The following PDZRN4 variants were observed in gnomAD, a reference collection of about 807,000 sequenced individuals.
PDZRN4 encodes the protein PDZ domain-containing RING finger protein 4.
Under a neutral mutation model 99.0 loss-of-function variants are expected in PDZRN4, and 70 were observed. The observed-to-expected ratio is 0.71, with a 90% CI of 0.58 to 0.86. The LOEUF (loss-of-function observed/expected upper bound fraction) is 0.86. Ranked by LOEUF, PDZRN4 falls within the 40% of genes least tolerant of loss-of-function variation. PDZRN4 has a pLI of 0.00. For missense variants in PDZRN4, 1,474 were observed against 1,331.2 expected (o/e 1.11, Z -1.67); for synonymous variants, 551 against 501.6 (o/e 1.10, Z -1.32).
At chr12:41,521,271 A>C (rs1938487995) in intron 5 of PDZRN4, among the ~76,000 whole-genome samples, 1 of 152,140 alleles carries the variant, frequency 6.6e-6, no homozygotes, top group Non-Finnish European at 1.5e-5. Context: ...TGTAAAACAC[A>C]TTGACACCAT....
chr12:41,451,515 A>G (rs1324719939), intron 3 of PDZRN4, among the ~76,000 whole-genome samples: 2 of 152,236 alleles, frequency 1.3e-5, no homozygotes, highest in Non-Finnish European at 2.9e-5. Flanking sequence ...CTTGAAAGCA[A>G]AGTAAGTAGG....
chr12:41,484,460 G>A (rs1937736577), intron 3 of PDZRN4, among the ~76,000 whole-genome samples: 1 of 152,134 alleles, frequency 6.6e-6, no homozygotes, highest in South Asian at 2.1e-4. Context: ...GTGAGTTTAG[G>A]TAAGTCACTT....
At chr12:41,508,203 G>A (rs1194657996) in intron 4 of PDZRN4, among the ~76,000 whole-genome samples, 1 of 152,072 alleles carries the variant, frequency 6.6e-6, no homozygotes, top group Admixed American at 6.6e-5. Context: ...AAAAGTGACA[G>A]GGCCAGGCTT....
chr12:41,223,821 A>G (rs1052182825), intron 3 of PDZRN4, among the ~76,000 whole-genome samples: 71 of 152,288 alleles, frequency 4.7e-4, no homozygotes, highest in African/African-American at 1.6e-3. Context: ...GAGTTGTCTC[A>G]CTGCTGAGAA....
chr12:41,219,761 T>C (rs1950941884), intron 3 of PDZRN4, among the ~76,000 whole-genome samples: 1 of 152,166 alleles, frequency 6.6e-6, no homozygotes, highest in Non-Finnish European at 1.5e-5. Context: ...AAACTGAATC[T>C]TTTTCTTTAA....
chr12:41,202,009 C>A (rs749914943), intron 3 of PDZRN4, among the ~76,000 whole-genome samples: 25 of 152,130 alleles, frequency 1.6e-4, no homozygotes, highest in South Asian at 2.1e-4. Flanking sequence ...AATTTACATG[C>A]TTGCCTGCAA....
intron 3 of PDZRN4, among the ~76,000 whole-genome samples, chr12:41,234,547 T>A (rs1444263480): frequency 1.3e-5 from 2 of 152,148 alleles, no homozygotes; most frequent in Non-Finnish European, 1.5e-5. Context: ...AAAGACAGAC[T>A]GTTTAATGAT....
chr12:41,566,726 A>C (rs1306402376), intron 8 of PDZRN4, among the ~76,000 whole-genome samples: 1 of 152,182 alleles, frequency 6.6e-6, no homozygotes, highest in Admixed American at 6.5e-5. Context: ...GTAGAAGTTC[A>C]GTTATGTTTA....
chr12:41,541,090 A>C (rs1938846546), intron 5 of PDZRN4, among the ~76,000 whole-genome samples: 1 of 151,766 alleles, frequency 6.6e-6, no homozygotes, highest in Non-Finnish European at 1.5e-5. Flanking sequence ...ATGCCCAGCT[A>C]ATTTTTTCTT....
chr12:41,325,471 CA>C (rs1951703373), intron 3 of PDZRN4, among the ~76,000 whole-genome samples: 1 of 152,082 alleles, frequency 6.6e-6, no homozygotes, highest in South Asian at 2.1e-4. Flanking sequence ...TGTAACCAAC[CA>C]TCTCTGAGGA....
chr12:41,390,680 C>T lies in PDZRN4; in HGVS notation c.844-115776C>T, dbSNP rs116023847. Among the ~76,000 whole-genome samples, 539 of 151,610 alleles carry T rather than the reference C, an allele frequency of 3.6e-3. 2 individuals carry two copies. The highest frequency in any genetic ancestry group is 0.012 in the African/African-American group (487 of 41,304). On this transcript the variant is annotated intron_variant, in intron 3 of 9. Coordinates refer to ENST00000402685, the MANE Select transcript of PDZRN4 (RefSeq NM_001164595.2). Reference sequence around the variant, plus strand: ...AACATATTATCCCATCAATATTCAACGCAGTCTTAAATTCCAGTGTGTTGT... The same window carrying T: ...AACATATTATCCCATCAATATTCAATGCAGTCTTAAATTCCAGTGTGTTGT...
intron 3 of PDZRN4, among the ~76,000 whole-genome samples, chr12:41,318,257 C>T (rs1951652412): frequency 6.6e-6 from 1 of 152,146 alleles, no homozygotes; most frequent in African/African-American, 2.4e-5. Context: ...TTCCTAGAGA[C>T]ATTTTATTTA....
chr12:41,505,530 G>T lies in PDZRN4; in HGVS notation c.844-926G>T, dbSNP rs146199248. On this transcript the variant is annotated intron_variant, in intron 3 of 9. Transcript: ENST00000402685. ...ACAAGTTTGCTAGGGAAAATGTGTA[G>T]GTGTTTTGGGAACCACAGAGGTTGG... Among the ~76,000 whole-genome samples, 29 of 152,234 alleles carry T rather than the reference G, an allele frequency of 1.9e-4. 1 individual carries two copies. The East Asian group carries it at 5.2e-3, about 27-fold the overall frequency.
At chr12:41,282,847 C>T (rs1029012038) in intron 3 of PDZRN4, among the ~76,000 whole-genome samples, 4 of 152,036 alleles carry the variant, frequency 2.6e-5, no homozygotes, top group African/African-American at 4.8e-5. Flanking sequence ...CACAATGTAC[C>T]AGAATCTCTG....
At chr12:41,235,192 A>T (rs1339838626) in intron 3 of PDZRN4, among the ~76,000 whole-genome samples, 6 of 152,154 alleles carry the variant, frequency 3.9e-5, no homozygotes, top group Admixed American at 3.9e-4. Flanking sequence ...AAACTTTTAA[A>T]GTAGTACAAT....
intron 3 of PDZRN4, among the ~76,000 whole-genome samples, chr12:41,305,813 T>C (rs954107372): frequency 6.6e-6 from 1 of 152,212 alleles, no homozygotes; most frequent in African/African-American, 2.4e-5. Flanking sequence ...TTGTTCCATC[T>C]TGACAATGTT....
rs75656873 is a variant in PDZRN4 at position 41,194,181 on chromosome 12, T to A, written c.836T>A (p.Ile279Asn). ...GATGGCCTGGAGATTCATGACAAAA[T>A]CATGGAGGTAAGACAATGATAAAAC... Reference protein sequence around the residue: ...RADGLEIHDKIMEVNGKDLSK... With the variant: ...RADGLEIHDKNMEVNGKDLSK... The change falls in exon 3 of 10, where the codon ATC (isoleucine) becomes AAC (asparagine). Residue 279 changes from isoleucine to asparagine, a missense_variant. Transcript: ENST00000402685. The A allele has an allele frequency of 8.2e-3, 11,621 of 1,419,446 alleles. 306 individuals are homozygous for A. In the East Asian group the frequency reaches 0.092, roughly 11 times the overall value. 87.9% of individuals were successfully genotyped at this position (1,419,446 alleles called of 1,614,324 possible).
chr12:41,280,786 C>A (rs1591995733), intron 3 of PDZRN4, among the ~76,000 whole-genome samples: 1 of 152,172 alleles, frequency 6.6e-6, no homozygotes, highest in East Asian at 1.9e-4. Context: ...GTGGGTGCAG[C>A]TTCAGCAGAC....
intron 3 of PDZRN4, among the ~76,000 whole-genome samples, chr12:41,480,057 G>A (rs895990876): frequency 6.6e-6 from 1 of 152,146 alleles, no homozygotes; most frequent in Non-Finnish European, 1.5e-5. Context: ...AAATATTGGT[G>A]TAGAATTCTT....
Sources: allele counts gnomAD v4.1 joint callset (sites outside exome capture counted in the v4.1 genomes callset), GRCh38; gene constraint gnomAD v4.1.1; transcripts MANE v1.5; gene names NCBI Gene and HGNC (gene_info 2026-07-23, HGNC 2026-07-21).